The following ZBTB16 variants were observed in gnomAD, a reference collection of about 807,000 sequenced individuals.
The protein encoded by ZBTB16 is zinc finger and BTB domain containing 16, also known as zinc finger and BTB domain-containing protein 16.
In ZBTB16, 8 loss-of-function variants were observed where a neutral mutation model predicts 56.8. The ratio of observed to expected loss-of-function variants is 0.14; its 90% CI spans 0.08 to 0.25. ZBTB16 has a LOEUF of 0.25. ZBTB16 is among the 10% of genes least tolerant of loss of function. The pLI, the probability that ZBTB16 is intolerant of heterozygous loss-of-function variation, is 1.00. For missense variants in ZBTB16, 625 were observed against 903.0 expected (o/e 0.69, Z 3.95); for synonymous variants, 363 against 368.5 (o/e 0.98, Z 0.17).
chr11:114,180,470 C>T (rs2735195), intron 3 of ZBTB16, among the ~76,000 whole-genome samples: 26,938 of 152,114 alleles, frequency 0.18, 2,425 homozygotes, highest in East Asian at 0.23. Context: ...GAGCATTGGA[C>T]TGGGTTGGGA....
Position 114,063,139 on chromosome 11 carries a change from T to C in ZBTB16, c.-90-72T>C. On this transcript the variant is annotated intron_variant, in intron 1 of 6. Transcript: ENST00000335953. This position sits in a 1 kb window ranked among gnomAD's most constrained non-coding sequence, Gnocchi z 6.5. ...CATGTTGTAGTGGTTGAATTCTTAC[T>C]TTTAGGGACACTGATGAATTTGTCT... 3 of 780,796 alleles carry C rather than the reference T, an allele frequency of 3.8e-6. No individual in the cohort carries two copies. The highest frequency in any genetic ancestry group is 6.3e-6 in the Non-Finnish European group (3 of 479,584). The allele number at this position is 780,796 out of a possible 1,614,324, so 48.4% of individuals were successfully genotyped here. A position where few individuals can be genotyped will look rare whatever the true frequency, so the allele number is the denominator to read the frequency against.
chr11:114,216,932 C>T (rs189960641), intron 4 of ZBTB16, among the ~76,000 whole-genome samples: 110 of 42,996 alleles, frequency 2.6e-3, no homozygotes, highest in African/African-American at 7.4e-3. Context: ...CTGAGTGCAG[C>T]GATAGAGATA....
intron 2 of ZBTB16, among the ~76,000 whole-genome samples, chr11:114,067,319 C>T (rs1458063323): frequency 2.0e-5 from 3 of 152,112 alleles, no homozygotes; most frequent in Non-Finnish European, 4.4e-5. Context: ...AGAGAATGTC[C>T]CTGTCCTTGT....
chr11:114,206,069 A>G (rs1591781113), intron 4 of ZBTB16, among the ~76,000 whole-genome samples: 1 of 152,264 alleles, frequency 6.6e-6, no homozygotes, highest in Admixed American at 6.5e-5. Context: ...CTGGATGTCA[A>G]GAGGGAGCCT....
At chr11:114,217,485 G>A (rs1445704342) in intron 4 of ZBTB16, among the ~76,000 whole-genome samples, 2 of 152,180 alleles carry the variant, frequency 1.3e-5, no homozygotes, top group Non-Finnish European at 2.9e-5. Context: ...CATCTAGCTC[G>A]AGTGACCAAG....
chr11:114,085,407 G>T (rs951475551), intron 2 of ZBTB16, among the ~76,000 whole-genome samples: 1 of 152,166 alleles, frequency 6.6e-6, no homozygotes, highest in Non-Finnish European at 1.5e-5. Context: ...GTACTAGGTG[G>T]TTGCTAAATG....
intron 4 of ZBTB16, among the ~76,000 whole-genome samples, chr11:114,212,143 G>A (rs1229940544): frequency 5.3e-5 from 8 of 152,036 alleles, no homozygotes; most frequent in African/African-American, 1.9e-4. Flanking sequence ...TGGGAAAGGG[G>A]GGATGGGGAG....
rs1476873784 is a variant in ZBTB16, at chr11:114,063,846, C to T, written c.546C>T (p.Asp182=). The change falls in exon 2 of 7, where the codon GAC becomes GAT. Residue 182 remains aspartate, a synonymous_variant. Transcript: ENST00000335953. This position sits in a 1 kb window ranked among gnomAD's most constrained non-coding sequence, Gnocchi z 6.5. ...AGQSLPGPMV[D]QSPSVSTSFG... is the part of the protein sequence containing the mutation. ...AGAGCCTCCCTGGGCCCATGGTGGA[C>T]CAGAGCCCTTCAGTCTCCACTTCAT... 1.2e-6 allele frequency: 2 copies of T among 1,614,124 alleles called. No homozygotes were observed. Among genetic ancestry groups the T allele is most frequent in the South Asian group, 2.2e-5 (2 of 91,084 alleles).
intron 5 of ZBTB16, among the ~76,000 whole-genome samples, chr11:114,242,891 A>G (rs1944741439): frequency 1.3e-5 from 2 of 152,184 alleles, no homozygotes; most frequent in Non-Finnish European, 2.9e-5. Context: ...TAGGGAAGAC[A>G]AGGAGGGCAT....
chr11:114,093,810 A>AT (rs1940281095), intron 2 of ZBTB16, among the ~76,000 whole-genome samples: 1 of 152,146 alleles, frequency 6.6e-6, no homozygotes, highest in East Asian at 1.9e-4. Context: ...ACCTATGTCC[A>AT]TTTTCTAGAT....
chr11:114,250,230 G>A lies in ZBTB16; in HGVS notation c.1793-96G>A. 1 of 1,408,170 alleles carries A rather than the reference G, an allele frequency of 7.1e-7. No individual in the cohort carries two copies. Among genetic ancestry groups the A allele is most frequent in the Non-Finnish European group, 9.9e-7 (1 of 1,007,996 alleles). The allele number at this position is 1,408,170 out of a possible 1,614,324, so 87.2% of individuals were successfully genotyped here. A position where few individuals can be genotyped will look rare whatever the true frequency, so the allele number is the denominator to read the frequency against. On this transcript the variant is annotated intron_variant, in intron 6 of 6. Transcript: ENST00000335953. The surrounding 1 kb of genome is among the most constrained non-coding windows in gnomAD (Gnocchi z 6.0). ...TTCTGTTGGAGCAAGCCCAGCTGGA[G>A]GAACCCAGCTTCCCTGGCACGCCTG...
chr11:114,239,836 A>G lies in ZBTB16; in HGVS notation c.1454-2331A>G, dbSNP rs1944666084. Among the ~76,000 whole-genome samples, 3 of 152,190 alleles carry G rather than the reference A, an allele frequency of 2.0e-5. No individual in the cohort carries two copies. In the South Asian group the frequency reaches 6.2e-4, roughly 32 times the overall value. ...CAGACAGGCGGGCAGTCAGCTCCAG[A>G]GGTAGCATTGAGTCCAGCCCCGTGG... On this transcript the variant is annotated intron_variant, in intron 4 of 6. Coordinates refer to ENST00000335953, the MANE Select transcript of ZBTB16 (RefSeq NM_006006.6).
chr11:114,182,781 A>T lies in ZBTB16; in HGVS notation c.1367-4171A>T, dbSNP rs999340352. Reference sequence around the variant, plus strand: ...ACCGTAATGCATTTTGGGAATAGCCATGTGGTTTATACACACTTGAGTTGC... The same window carrying T: ...ACCGTAATGCATTTTGGGAATAGCCTTGTGGTTTATACACACTTGAGTTGC... On this transcript the variant is annotated intron_variant, in intron 3 of 6. Transcript: ENST00000335953. Among the ~76,000 whole-genome samples, 7 of 152,234 alleles carry T rather than the reference A, an allele frequency of 4.6e-5. No homozygotes were observed. The South Asian group carries it at 6.2e-4, about 13-fold the overall frequency.
chr11:114,090,038 G>A (rs1226226377), intron 2 of ZBTB16, among the ~76,000 whole-genome samples: 1 of 152,220 alleles, frequency 6.6e-6, no homozygotes, highest in Non-Finnish European at 1.5e-5. Context: ...AGCTCCATAA[G>A]GGACATACGG....
At chr11:114,076,405 C>T (rs889134085) in intron 2 of ZBTB16, among the ~76,000 whole-genome samples, 2 of 152,152 alleles carry the variant, frequency 1.3e-5, no homozygotes, top group Non-Finnish European at 2.9e-5. Context: ...CTCACCTCCT[C>T]GTGGGCTTCT....
intron 4 of ZBTB16, among the ~76,000 whole-genome samples, chr11:114,204,944 C>T (rs917597900): frequency 3.3e-5 from 5 of 152,140 alleles, no homozygotes; most frequent in African/African-American, 1.2e-4. Flanking sequence ...ATGGCACTGC[C>T]CTGAGGTCGG....
At chr11:114,235,634 CTTTCTTTCTTT>C (rs1565701499) in intron 4 of ZBTB16, among the ~76,000 whole-genome samples, 18 of 20,532 alleles carry the variant, frequency 8.8e-4, no homozygotes, top group East Asian at 4.2e-3. Flanking sequence ...CCCTTCCTTT[CTTTCTTTCTTT>C]CTTTCTTTCT....
intron 4 of ZBTB16, among the ~76,000 whole-genome samples, chr11:114,224,662 T>G (rs566070572): frequency 6.6e-6 from 1 of 152,114 alleles, no homozygotes; most frequent in East Asian, 1.9e-4. Flanking sequence ...TGGAATAGAA[T>G]CCAGAGGAAC....
rs932295645 is a variant in ZBTB16 at position 114,118,930 on chromosome 11, T to A, written c.1269-37407T>A. On this transcript the variant is annotated intron_variant, in intron 2 of 6. Transcript: ENST00000335953. ...TGCACAGATGGCTCAGACAGTGACT[T>A]GGAGTTCAGGTTGACATTTCAGGTT... 3.3e-5 allele frequency among the ~76,000 whole-genome samples: 5 copies of A among 152,202 alleles called. No individual in the cohort carries two copies. The East Asian group carries it at 5.8e-4, about 18-fold the overall frequency.
Sources: allele counts gnomAD v4.1 joint callset (sites outside exome capture counted in the v4.1 genomes callset), GRCh38; gene constraint gnomAD v4.1.1; non-coding constraint Gnocchi (gnomAD v3.1); transcripts MANE v1.5; gene names NCBI Gene and HGNC (gene_info 2026-07-23, HGNC 2026-07-21).